Variants in KLRD1 observed in about 807,000 individuals in gnomAD.
KLRD1 encodes natural killer cells antigen CD94.
A neutral mutation model predicts 22.6 loss-of-function variants in KLRD1; 21 were observed. The observed-to-expected ratio is 0.93, with a 90% CI of 0.66 to 1.34. KLRD1 has a LOEUF of 1.34. KLRD1 is among the 40% of genes most tolerant of loss of function. The probability of loss-of-function intolerance (pLI) is 0.00; values close to 1 mark genes in which losing one functional copy is unlikely to be tolerated. For missense variants in KLRD1, 183 were observed against 208.6 expected (o/e 0.88, Z 0.76); for synonymous variants, 59 against 71.1 (o/e 0.83, Z 0.85).
At chr12:10,244,872 G>C (rs1210700333) in intron 1 of KLRD1, among the ~76,000 whole-genome samples, 1 of 152,136 alleles carries the variant, frequency 6.6e-6, no homozygotes, top group Non-Finnish European at 1.5e-5. Context: ...CTGTAGAGTG[G>C]TAATGCAGTA....
intron 1 of KLRD1, among the ~76,000 whole-genome samples, chr12:10,245,229 C>A (rs576877043): frequency 1.4e-3 from 210 of 151,944 alleles, no homozygotes; most frequent in Non-Finnish European, 2.7e-3. Flanking sequence ...ATGGTGACAC[C>A]TGCTTGTAAT....
Position 10,316,530 on chromosome 12 carries a change from G to A in KLRD1, c.*1737G>A, listed in dbSNP as rs1950234792. 1 of 149,318 alleles carries A rather than the reference G, an allele frequency of 6.7e-6. No individual in the cohort carries two copies. The highest frequency in any genetic ancestry group is 1.5e-5 in the Non-Finnish European group (1 of 67,996). The allele number at this position is 149,318 out of a possible 1,614,324, so 9.2% of individuals were successfully genotyped here. A position where few individuals can be genotyped will look rare whatever the true frequency, so the allele number is the denominator to read the frequency against. ...GGATCCTCCCACCTCAGCCTTCTGAGTACTTGGGACTCAGGTGCGAGCCAT... is the reference window on the plus strand; with the variant it reads ...GGATCCTCCCACCTCAGCCTTCTGAATACTTGGGACTCAGGTGCGAGCCAT... On this transcript the variant is annotated 3_prime_UTR_variant, in exon 6 of 6. Coordinates refer to ENST00000336164, the MANE Select transcript of KLRD1 (RefSeq NM_002262.5).
At position 10,322,559 on chromosome 12, in the gene KLRD1, C is replaced by T. The variant is rs1385121148; in HGVS notation, c.*7766C>T. On this transcript the variant is annotated 3_prime_UTR_variant, in exon 6 of 6. Transcript: ENST00000336164. ...TATCCTCCCAAGAGCTCTTACCCACCTGCTGTTGTTTGGACTGGCACCTTA... is the reference window on the plus strand; with the variant it reads ...TATCCTCCCAAGAGCTCTTACCCACTTGCTGTTGTTTGGACTGGCACCTTA... 6.6e-6 allele frequency: 1 copy of T among 152,102 alleles called. No individual in the cohort carries two copies. Among genetic ancestry groups the T allele is most frequent in the Non-Finnish European group, 1.5e-5 (1 of 68,024 alleles). 9.4% of individuals were successfully genotyped at this position (152,102 alleles called of 1,614,324 possible). A position where few individuals can be genotyped will look rare whatever the true frequency, so the allele number is the denominator to read the frequency against.
chr12:10,301,633 A>C (rs1949867513), upstream of KLRD1, among the ~76,000 whole-genome samples: 1 of 152,226 alleles, frequency 6.6e-6, no homozygotes, highest in Non-Finnish European at 1.5e-5. Context: ...CGGTGGGCAT[A>C]GCAACCTGGT....
At chr12:10,265,824 A>T (rs1949494184) in intron 1 of KLRD1, among the ~76,000 whole-genome samples, 1 of 152,208 alleles carries the variant, frequency 6.6e-6, no homozygotes, top group South Asian at 2.1e-4. Context: ...CCTTGTGTCT[A>T]ACATGTCCCT....
At chr12:10,256,859 C>T (rs1478129141) in intron 1 of KLRD1, among the ~76,000 whole-genome samples, 3 of 151,758 alleles carry the variant, frequency 2.0e-5, no homozygotes, top group Non-Finnish European at 4.4e-5. Context: ...CTCTATAGAA[C>T]TCTCTCTAGC....
At chr12:10,248,530 TTTCCTTCCTTCCTTCC>T (rs547431896) in intron 1 of KLRD1, among the ~76,000 whole-genome samples, 435 of 96,604 alleles carry the variant, frequency 4.5e-3, no homozygotes, top group African/African-American at 7.6e-3. Context: ...TGTATTTTCT[TTTCCTTCCTTCCTTCC>T]TTCCTTCCTT....
In KLRD1 at chr12:10,317,175, T is replaced by C. The variant is rs1950251356; in HGVS notation, c.*2382T>C. ...TATGTGCCATATTTTCTTTATCCAG[T>C]CTATCACTGATGGGCATTTGGGTTG... On this transcript the variant is annotated 3_prime_UTR_variant, in exon 6 of 6. Transcript: ENST00000336164. 1 of 152,206 alleles carries C rather than the reference T, an allele frequency of 6.6e-6. No individual in the cohort carries two copies. The highest frequency in any genetic ancestry group is 6.5e-5 in the Admixed American group (1 of 15,280). The allele number at this position is 152,206 out of a possible 1,614,324, so 9.4% of individuals were successfully genotyped here. A position where few individuals can be genotyped will look rare whatever the true frequency, so the allele number is the denominator to read the frequency against.
In KLRD1 at chr12:10,293,010, T is replaced by C. The variant is rs1265524112; in HGVS notation, c.-100-14968T>C. On this transcript the variant is annotated intron_variant, in intron 1 of 5. Transcript: ENST00000544747. ...TTTCTTTAAATCTCAAGAAGCAACC[T>C]CTGCTAGTTTCCAATTTTTTTTTTT... Among the ~76,000 whole-genome samples, 4 of 149,820 alleles carry C rather than the reference T, an allele frequency of 2.7e-5. No homozygotes were observed. In the East Asian group the frequency reaches 5.9e-4, roughly 22 times the overall value.
chr12:10,297,387 A>T (rs1389270024), intron 1 of KLRD1, among the ~76,000 whole-genome samples: 1 of 152,196 alleles, frequency 6.6e-6, no homozygotes, highest in Non-Finnish European at 1.5e-5. Flanking sequence ...CCTCTAGAAG[A>T]TAGTTAAATG....
At chr12:10,312,914 G>C (rs1021080501) in intron 4 of KLRD1, among the ~76,000 whole-genome samples, 1 of 151,714 alleles carries the variant, frequency 6.6e-6, no homozygotes, top group Non-Finnish European at 1.5e-5. Context: ...GTGAACCTGG[G>C]AGGCAGAGCT....
upstream of KLRD1, among the ~76,000 whole-genome samples, chr12:10,305,369 A>G (rs1466851861): frequency 1.3e-5 from 2 of 152,224 alleles, no homozygotes; most frequent in African/African-American, 4.8e-5. Flanking sequence ...TCGGCAGCAC[A>G]CTCAGAGAAT....
At position 10,308,269 on chromosome 12, in the gene KLRD1, A is replaced by G. The variant is rs942665202; in HGVS notation, c.7+185A>G. The stretch of plus-strand genomic sequence containing the variant: ...TGATTCTTCATTGTATAACTTAGAC[A>G]TGATTTCATGAAGTTTTTTCCACAG... On this transcript the variant is annotated intron_variant, in intron 1 of 5. Coordinates refer to ENST00000336164, the MANE Select transcript of KLRD1 (RefSeq NM_002262.5). The G allele has an allele frequency of 8.6e-6, 5 of 584,632 alleles. No homozygotes were observed. The African/African-American group carries it at 9.3e-5, about 11-fold the overall frequency. 36.2% of individuals were successfully genotyped at this position (584,632 alleles called of 1,614,324 possible).
intron 4 of KLRD1, among the ~76,000 whole-genome samples, chr12:10,312,905 T>C (rs2137714743): frequency 6.6e-6 from 1 of 151,400 alleles, no homozygotes; most frequent in South Asian, 2.1e-4. Context: ...GAGAATGGCG[T>C]GAACCTGGGA....
chr12:10,243,624 A>AC lies in KLRD1; in HGVS notation c.-101+17391_-101+17392insC, dbSNP rs2137611117. 1.3e-5 allele frequency among the ~76,000 whole-genome samples: 2 copies of AC among 150,076 alleles called. 1 individual carries two copies. Among genetic ancestry groups the AC allele is most frequent in the African/African-American group, 4.9e-5 (2 of 40,738 alleles). ...TGAGACTCCAAAAAAAAAAAAAAAA[A>AC]AAAAAAAAACCGAAATGAAAGATAT... On this transcript the variant is annotated intron_variant, in intron 1 of 5. Coordinates refer to the KLRD1 transcript ENST00000544747.
At chr12:10,249,021 T>C (rs1460391414) in intron 1 of KLRD1, among the ~76,000 whole-genome samples, 1 of 152,210 alleles carries the variant, frequency 6.6e-6, no homozygotes. Flanking sequence ...AAAATATCAA[T>C]TTTGAATTCC....
At chr12:10,239,557 TTCTTTCTTTC>T (rs1565443436) in intron 1 of KLRD1, among the ~76,000 whole-genome samples, 8 of 135,794 alleles carry the variant, frequency 5.9e-5, no homozygotes, top group African/African-American at 2.1e-4. Flanking sequence ...CTTTCTTTCT[TTCTTTCTTTC>T]TTTCTTTCTT....
chr12:10,299,278 A>T (rs994756874), intron 1 of KLRD1, among the ~76,000 whole-genome samples: 1 of 152,024 alleles, frequency 6.6e-6, no homozygotes, highest in Non-Finnish European at 1.5e-5. Context: ...AGGTATCTAG[A>T]TGAAGTTAAA....
At chr12:10,278,352 G>GGTGCC (rs1256897608) in intron 1 of KLRD1, among the ~76,000 whole-genome samples, 1 of 152,072 alleles carries the variant, frequency 6.6e-6, no homozygotes, top group African/African-American at 2.4e-5. Context: ...GTCTGAAAAT[G>GGTGCC]GTGCCTGTCT....
Sources: gnomAD v4.1 joint callset for allele counts (sites outside exome capture counted in the v4.1 genomes callset) on GRCh38, gnomAD v4.1.1 for gene constraint, MANE v1.5 for transcripts, NCBI Gene and HGNC (gene_info 2026-07-23, HGNC 2026-07-21) for gene names.